The following RYR2 variants were observed in gnomAD, a reference collection of about 807,000 sequenced individuals.
RYR2 encodes cardiac muscle ryanodine receptor-calcium release channel.
RYR2 carries 227 observed loss-of-function variants against 601.1 expected under a neutral mutation model. The observed-to-expected ratio is 0.38, with a 90% confidence interval of 0.34 to 0.42. The LOEUF (loss-of-function observed/expected upper bound fraction) is 0.42, where lower values mean the gene tolerates loss of function less well. Among genes scored for constraint, RYR2 ranks in the 10% least tolerant of loss-of-function variants. The pLI is 1.00. For missense variants in RYR2, 4,646 were observed against 6,156.5 expected (o/e 0.75, Z 8.21); for synonymous variants, 2,223 against 2,175.1 (o/e 1.02, Z -0.61).
At position 237,369,703 on chromosome 1, in the gene RYR2, T is replaced by C. The variant is rs559101549; in HGVS notation, c.384+95T>C. On this transcript the variant is annotated intron_variant, in intron 6 of 104. Coordinates refer to ENST00000366574, the MANE Select transcript of RYR2 (RefSeq NM_001035.3). The stretch of plus-strand genomic sequence containing the variant: ...GCTGGTAGCATCATTTCTGCAATGG[T>C]ATTAATGAGCTTGGATGTTTGTGTT... 85 of 942,548 alleles carry C rather than the reference T, an allele frequency of 9.0e-5. No individual in the cohort carries two copies. The African/African-American group carries it at 1.3e-3, about 14-fold the overall frequency. 58.4% of individuals were successfully genotyped at this position (942,548 alleles called of 1,614,324 possible). A position where few individuals can be genotyped will look rare whatever the true frequency, so the allele number is the denominator to read the frequency against.
intron 1 of RYR2, among the ~76,000 whole-genome samples, chr1:237,163,873 G>T (rs558317973): frequency 6.6e-6 from 1 of 152,360 alleles, no homozygotes; most frequent in Admixed American, 6.5e-5. Flanking sequence ...CGGTCTCCGG[G>T]TGCCTGACTG....
intron 23 of RYR2, among the ~76,000 whole-genome samples, chr1:237,508,727 G>C (rs113465376): frequency 0.039 from 5,612 of 143,040 alleles, 215 homozygotes; most frequent in African/African-American, 0.083. Context: ...GACACTCTTC[G>C]GGTTTTCTTT....
At chr1:237,481,839 C>T (rs566424641) in intron 17 of RYR2, among the ~76,000 whole-genome samples, 348 of 142,788 alleles carry the variant, frequency 2.4e-3, no homozygotes, top group African/African-American at 9.1e-3. Flanking sequence ...AAAAAAACCA[C>T]CTCCCAAACT....
intron 56 of RYR2, among the ~76,000 whole-genome samples, chr1:237,666,006 A>C (rs1684296860): frequency 6.6e-6 from 1 of 152,176 alleles, no homozygotes; most frequent in South Asian, 2.1e-4. Context: ...AAAAGCTTTA[A>C]TTCAGAAATT....
chr1:237,568,458 A>G (rs1200708121), intron 28 of RYR2, among the ~76,000 whole-genome samples: 2 of 152,358 alleles, frequency 1.3e-5, no homozygotes, highest in South Asian at 2.1e-4. Context: ...TATCAAAACT[A>G]TGTTTCAAAT....
chr1:237,674,214 A>T lies in RYR2; in HGVS notation c.8709A>T (p.Val2903=). 1 of 1,611,134 alleles carries T rather than the reference A, an allele frequency of 6.2e-7. No homozygotes were observed. The highest frequency in any genetic ancestry group is 8.5e-7 in the Non-Finnish European group (1 of 1,177,554). ...TCTTGCAGATCAATGGATATGCTGT[A>T]TCCAGGTAAAAGTACACATACCCTA... ...LKFLQINGYA[V]SRGFKDLELD... is the part of the protein sequence containing the mutation. The change falls in exon 59 of 105, where the codon GTA becomes GTT. Residue 2903 remains valine (V), a synonymous_variant. Coordinates refer to ENST00000366574, the MANE Select transcript of RYR2 (RefSeq NM_001035.3).
At chr1:237,154,883 A>G (rs977621444) in intron 1 of RYR2, among the ~76,000 whole-genome samples, 23 of 152,210 alleles carry the variant, frequency 1.5e-4, no homozygotes, top group African/African-American at 4.8e-4. Flanking sequence ...GTTCCTCTGT[A>G]GCAGGCCACC....
chr1:237,288,611 G>C (rs572022614), intron 2 of RYR2, among the ~76,000 whole-genome samples: 29 of 152,086 alleles, frequency 1.9e-4, no homozygotes, highest in East Asian at 1.6e-3. Flanking sequence ...GTAGTCACAG[G>C]CCTCACCCAG....
chr1:237,096,129 G>T (rs1418309251), intron 1 of RYR2, among the ~76,000 whole-genome samples: 4 of 152,132 alleles, frequency 2.6e-5, no homozygotes, highest in Non-Finnish European at 4.4e-5. Flanking sequence ...TGGATTTCTG[G>T]GTGGGAGGAA....
chr1:237,389,522 G>A (rs969888513), intron 10 of RYR2, among the ~76,000 whole-genome samples: 15 of 152,150 alleles, frequency 9.9e-5, no homozygotes, highest in African/African-American at 3.6e-4. Flanking sequence ...GCAGTAATTC[G>A]TGTGACAAAA....
chr1:237,638,635 AC>A, intron 45 of RYR2, 143 bp downstream of exon 45: 1 of 913,486 alleles, frequency 1.1e-6, no homozygotes, highest in South Asian at 1.8e-5. Flanking sequence ...TTTCACAGTA[AC>A]CACTTATAAT....
chr1:237,670,145 C>T (rs901497359), intron 58 of RYR2, among the ~76,000 whole-genome samples: 12 of 152,030 alleles, frequency 7.9e-5, no homozygotes, highest in Admixed American at 1.3e-4. Context: ...GAAAACCAGT[C>T]AGGCGTGGCG....
chr1:237,462,233 C>A (rs1431363314), intron 16 of RYR2, among the ~76,000 whole-genome samples: 1 of 152,088 alleles, frequency 6.6e-6, no homozygotes, highest in Non-Finnish European at 1.5e-5. Flanking sequence ...GTGAAATAAG[C>A]CACTGTCTTT....
At chr1:237,049,147 G>A (rs1043337570) in intron 1 of RYR2, among the ~76,000 whole-genome samples, 4 of 152,084 alleles carry the variant, frequency 2.6e-5, no homozygotes, top group Non-Finnish European at 4.4e-5. Context: ...TTAGAGAGAG[G>A]GAAGTTACAG....
At chr1:237,597,604 A>AGC (rs1238412517) in intron 34 of RYR2, among the ~76,000 whole-genome samples, 8 of 152,006 alleles carry the variant, frequency 5.3e-5, no homozygotes, top group Admixed American at 5.2e-4. Context: ...TTATGCAACC[A>AGC]AATGTATCAG....
intron 1 of RYR2, among the ~76,000 whole-genome samples, chr1:237,189,879 A>ATTT (rs61306892): frequency 1.1e-3 from 114 of 107,798 alleles, no homozygotes; most frequent in African/African-American, 2.2e-3. Context: ...TTTTATTTTT[A>ATTT]TTTTTTTTTT....
chr1:237,530,553 AT>A, intron 25 of RYR2, 43 bp downstream of exon 25: 2 of 1,382,042 alleles, frequency 1.4e-6, no homozygotes, highest in Non-Finnish European at 2.0e-6. Flanking sequence ...CTGTGTAGAG[AT>A]TTAGTGCAAC....
rs763865174 is a variant in RYR2, at chr1:237,614,866, G to A, written c.5715+23G>A. 6.5e-7 allele frequency: 1 copy of A among 1,533,618 alleles called. No individual in the cohort carries two copies. Among genetic ancestry groups the A allele is most frequent in the African/African-American group, 1.4e-5 (1 of 72,180 alleles). ...CAGGTAATCAGAACAAGAGACTTGA[G>A]TGAATTTCAGAATTGCTAAGCATTA... On this transcript the variant is annotated intron_variant, in intron 37 of 104. Coordinates refer to ENST00000366574, the MANE Select transcript of RYR2 (RefSeq NM_001035.3). The surrounding 1 kb of genome is among the most constrained non-coding windows in gnomAD (Gnocchi z 4.3).
intron 8 of RYR2, among the ~76,000 whole-genome samples, chr1:237,387,020 CTTAT>C (rs1272653990): frequency 6.6e-6 from 1 of 152,176 alleles, no homozygotes; most frequent in Non-Finnish European, 1.5e-5. Flanking sequence ...TACAAATAAA[CTTAT>C]TTAGTGTATT....
Sources: allele counts gnomAD v4.1 joint callset (sites outside exome capture counted in the v4.1 genomes callset), GRCh38; gene constraint gnomAD v4.1.1; non-coding constraint Gnocchi (gnomAD v3.1); transcripts MANE v1.5; gene names NCBI Gene and HGNC (gene_info 2026-07-23, HGNC 2026-07-21).